The following PIK3C3 variants were observed in gnomAD, a reference collection of about 807,000 sequenced individuals.
PIK3C3 encodes PI3-kinase type 3.
In PIK3C3, 95 loss-of-function variants were observed where a neutral mutation model predicts 126.1. That is an observed-to-expected ratio of 0.75 (90% CI 0.64 to 0.89). PIK3C3 has a LOEUF of 0.89. Among genes scored for constraint, PIK3C3 ranks in the 40% least tolerant of loss-of-function variants. The probability of loss-of-function intolerance (pLI) is 0.00; values close to 1 mark genes in which losing one functional copy is unlikely to be tolerated. For synonymous variants in PIK3C3, 374 were observed against 360.0 expected (o/e 1.04, Z -0.44); for missense variants, 829 against 1,063.2 (o/e 0.78, Z 3.06).
intron 8 of PIK3C3, 150 bp from the exon 9 acceptor site, chr18:41,996,488 A>G: frequency 2.3e-6 from 1 of 433,812 alleles, no homozygotes; most frequent in South Asian, 7.3e-5. Context: ...TAACAAATTT[A>G]AGGCCTACTT....
chr18:42,048,306 T>C (rs1307970991), intron 20 of PIK3C3, among the ~76,000 whole-genome samples: 3 of 152,220 alleles, frequency 2.0e-5, no homozygotes, highest in African/African-American at 7.2e-5. Flanking sequence ...CTTTTCCTTA[T>C]GGTCTGCAAC....
chr18:41,968,886 T>C (rs1980507254), intron 3 of PIK3C3, among the ~76,000 whole-genome samples: 1 of 152,052 alleles, frequency 6.6e-6, no homozygotes, highest in South Asian at 2.1e-4. Context: ...GGTGCAAACA[T>C]GGCTCACTAT....
intron 24 of PIK3C3, among the ~76,000 whole-genome samples, chr18:42,073,852 T>A (rs1172636030): frequency 3.9e-5 from 6 of 152,138 alleles, no homozygotes; most frequent in Admixed American, 3.3e-4. Flanking sequence ...ACCTTCTAGG[T>A]CAGTGAGTGA....
chr18:42,068,505 C>G (rs577047099), intron 24 of PIK3C3, among the ~76,000 whole-genome samples: 1 of 152,292 alleles, frequency 6.6e-6, no homozygotes, highest in Non-Finnish European at 1.5e-5. Context: ...CCTCCAAGAG[C>G]TCTTAATGCT....
intron 16 of PIK3C3, among the ~76,000 whole-genome samples, chr18:42,036,284 A>G (rs1395327933): frequency 6.6e-6 from 1 of 152,178 alleles, no homozygotes; most frequent in Non-Finnish European, 1.5e-5. Flanking sequence ...GGAGTTTTAC[A>G]GTAGACAACC....
chr18:42,064,815 T>C lies in PIK3C3; in HGVS notation c.2508T>C (p.Asp836=). ...TTCCAGATATTGCACTTGAACCAGA[T>C]AAAACTGTGAAAAAGGTAATTTTTA... ...ANIPDIALEP[D]KTVKKVQDKF... Residue 836 remains aspartate (D), a synonymous_variant, in exon 23 of 25, where the codon GAT becomes GAC. Transcript: ENST00000262039. The C allele has an allele frequency of 6.3e-7, 1 of 1,584,902 alleles. No individual in the cohort carries two copies. Among genetic ancestry groups the C allele is most frequent in the East Asian group, 2.2e-5 (1 of 44,726 alleles).
chr18:42,042,527 G>A (rs1984368535), intron 19 of PIK3C3, among the ~76,000 whole-genome samples: 1 of 152,158 alleles, frequency 6.6e-6, no homozygotes, highest in Admixed American at 6.5e-5. Flanking sequence ...TATTACTCCA[G>A]GATTGTTTTG....
intron 9 of PIK3C3, 149 bp downstream of exon 9, chr18:41,996,879 A>C (rs1417554654): frequency 4.7e-6 from 2 of 427,322 alleles, no homozygotes; most frequent in African/African-American, 4.1e-5. Flanking sequence ...TTTTAAAAAA[A>C]TTATGAAATT....
At chr18:42,063,873 T>C (rs981173762) in intron 22 of PIK3C3, among the ~76,000 whole-genome samples, 7 of 152,114 alleles carry the variant, frequency 4.6e-5, no homozygotes, top group African/African-American at 1.7e-4. Flanking sequence ...CTAAAACCCT[T>C]CATTGCCTAA....
At chr18:42,014,685 A>G (rs764953148) in intron 11 of PIK3C3, among the ~76,000 whole-genome samples, 1 of 152,226 alleles carries the variant, frequency 6.6e-6, no homozygotes, top group Non-Finnish European at 1.5e-5. Flanking sequence ...TGTTATTGAC[A>G]AAACCAGGTC....
chr18:41,986,129 C>G (rs1981464943), intron 4 of PIK3C3, among the ~76,000 whole-genome samples: 1 of 152,082 alleles, frequency 6.6e-6, no homozygotes, highest in South Asian at 2.1e-4. Flanking sequence ...ATCATATAGT[C>G]TGGGGTTTAA....
At chr18:42,049,492 G>A (rs1329792102) in intron 20 of PIK3C3, 39 bp from the exon 21 acceptor site, 1 of 1,469,008 alleles carries the variant, frequency 6.8e-7, no homozygotes, top group Non-Finnish European at 9.5e-7. Flanking sequence ...AACCTGGTTT[G>A]CATTTGTTTT....
At chr18:42,063,684 A>G (rs1224600717) in intron 22 of PIK3C3, among the ~76,000 whole-genome samples, 1 of 152,140 alleles carries the variant, frequency 6.6e-6, no homozygotes, top group African/African-American at 2.4e-5. Flanking sequence ...TTCCATTATC[A>G]TTACAGTTTA....
chr18:41,964,275 A>T (rs1480270215), intron 3 of PIK3C3, among the ~76,000 whole-genome samples: 1 of 152,130 alleles, frequency 6.6e-6, no homozygotes. Context: ...TCAATTCATC[A>T]TGTGTTGAAG....
chr18:42,019,410 A>G (rs1221715517), intron 12 of PIK3C3, among the ~76,000 whole-genome samples: 1 of 152,094 alleles, frequency 6.6e-6, no homozygotes, highest in South Asian at 2.1e-4. Context: ...TTAAAACCCA[A>G]TTTGCTAAGT....
intron 22 of PIK3C3, among the ~76,000 whole-genome samples, chr18:42,061,623 C>T (rs1033959087): frequency 6.6e-6 from 1 of 151,770 alleles, no homozygotes; most frequent in Non-Finnish European, 1.5e-5. Context: ...CTGAGTAGGA[C>T]ATTAAATGAC....
intron 10 of PIK3C3, among the ~76,000 whole-genome samples, chr18:42,010,069 A>T (rs1399367191): frequency 6.6e-6 from 1 of 152,134 alleles, no homozygotes; most frequent in African/African-American, 2.4e-5. Flanking sequence ...CCACAGTAGA[A>T]CTTCTTTCAA....
chr18:42,034,549 T>G (rs1417425130), intron 16 of PIK3C3, among the ~76,000 whole-genome samples: 1 of 152,216 alleles, frequency 6.6e-6, no homozygotes, highest in Non-Finnish European at 1.5e-5. Flanking sequence ...CTTAAGTGTT[T>G]TCTTATATTT....
At chr18:41,992,366 G>C (rs1434893879) in intron 6 of PIK3C3, among the ~76,000 whole-genome samples, 1 of 152,158 alleles carries the variant, frequency 6.6e-6, no homozygotes. Context: ...GTGGGAATTT[G>C]TGGTTTTCTG....
Sources: allele counts gnomAD v4.1 joint callset (sites outside exome capture counted in the v4.1 genomes callset), GRCh38; gene constraint gnomAD v4.1.1; transcripts MANE v1.5; gene names NCBI Gene and HGNC (gene_info 2026-07-23, HGNC 2026-07-21).